Variants in DPYD observed in about 807,000 individuals in gnomAD.
DPYD encodes the protein dihydropyrimidine dehydrogenase [NADP(+)].
In DPYD, 109 loss-of-function variants were observed where a neutral mutation model predicts 116.2. The ratio of observed to expected loss-of-function variants is 0.94; its 90% confidence interval spans 0.80 to 1.10. The LOEUF (loss-of-function observed/expected upper bound fraction) is 1.10, where lower values mean the gene tolerates loss of function less well. Ranked by LOEUF, DPYD falls within the 50% of genes least tolerant of loss-of-function variation. DPYD has a pLI of 0.00. For synonymous variants in DPYD, 440 were observed against 432.0 expected (o/e 1.02, Z -0.23); for missense variants, 1,302 against 1,254.5 (o/e 1.04, Z -0.57).
chr1:97,320,194 A>G (rs1037395421), intron 16 of DPYD, among the ~76,000 whole-genome samples: 3 of 134,580 alleles, frequency 2.2e-5, no homozygotes, highest in Admixed American at 7.7e-5. Context: ...GCCCTCTCTC[A>G]CCGCTCCTAT....
intron 1 of DPYD, among the ~76,000 whole-genome samples, chr1:97,912,130 A>G (rs1349714345): frequency 6.6e-6 from 1 of 152,126 alleles, no homozygotes; most frequent in African/African-American, 2.4e-5. Context: ...TTTGCACCCC[A>G]AAATGGTCCC....
At chr1:97,808,647 G>A (rs988211877) in intron 3 of DPYD, among the ~76,000 whole-genome samples, 1 of 152,008 alleles carries the variant, frequency 6.6e-6, no homozygotes, top group African/African-American at 2.4e-5. Flanking sequence ...AGCTAGTGCT[G>A]CCAGTATGAT....
intron 14 of DPYD, among the ~76,000 whole-genome samples, chr1:97,400,818 G>A (rs1243050928): frequency 6.6e-6 from 1 of 152,068 alleles, no homozygotes; most frequent in Non-Finnish European, 1.5e-5. Context: ...TTTGTATTGT[G>A]TCTATTTGAT....
chr1:97,755,261 A>G (rs1253007528), intron 3 of DPYD, among the ~76,000 whole-genome samples: 2 of 152,118 alleles, frequency 1.3e-5, no homozygotes, highest in African/African-American at 4.8e-5. Context: ...CTTTAGCCCA[A>G]TATGTCCTAT....
At chr1:97,645,099 T>G (rs1658178993) in intron 8 of DPYD, among the ~76,000 whole-genome samples, 1 of 152,184 alleles carries the variant, frequency 6.6e-6, no homozygotes, top group Non-Finnish European at 1.5e-5. Flanking sequence ...CGCTGTAACT[T>G]ATTTATCAGT....
At chr1:97,717,156 T>C (rs766461666) in intron 5 of DPYD, among the ~76,000 whole-genome samples, 1 of 152,060 alleles carries the variant, frequency 6.6e-6, no homozygotes. Context: ...TACTGTTCAG[T>C]AGCACAATAG....
intron 8 of DPYD, among the ~76,000 whole-genome samples, chr1:97,626,365 C>A (rs1656928064): frequency 2.0e-5 from 3 of 151,838 alleles, no homozygotes; most frequent in African/African-American, 7.3e-5. Flanking sequence ...TCAACTATTT[C>A]TTTTTTAGAA....
chr1:97,412,886 C>T (rs888716958), intron 14 of DPYD, among the ~76,000 whole-genome samples: 12 of 152,108 alleles, frequency 7.9e-5, no homozygotes, highest in Non-Finnish European at 1.5e-4. Context: ...AGGTGTCCTT[C>T]CCCCACACCA....
chr1:97,802,355 G>A (rs534876365), intron 3 of DPYD, among the ~76,000 whole-genome samples: 20 of 151,978 alleles, frequency 1.3e-4, no homozygotes, highest in Admixed American at 8.6e-4. Context: ...AAAAGTTCCT[G>A]TCTGAACTCA....
chr1:97,621,105 T>C (rs953754015), intron 8 of DPYD, among the ~76,000 whole-genome samples: 3 of 152,166 alleles, frequency 2.0e-5, no homozygotes, highest in African/African-American at 7.2e-5. Context: ...GTATATTAAC[T>C]ATTTTGGAGA....
chr1:97,849,773 T>A (rs1670484601), intron 2 of DPYD, among the ~76,000 whole-genome samples: 1 of 152,224 alleles, frequency 6.6e-6, no homozygotes, highest in African/African-American at 2.4e-5. Context: ...TCTATCTTTA[T>A]TTCTACAAAT....
intron 8 of DPYD, among the ~76,000 whole-genome samples, chr1:97,637,138 T>TA (rs1657614532): frequency 6.6e-6 from 1 of 152,164 alleles, no homozygotes; most frequent in African/African-American, 2.4e-5. Flanking sequence ...GGAAGAAGAC[T>TA]AAGAGTACAG....
chr1:97,593,152 T>C, intron 10 of DPYD, 66 bp downstream of exon 10: 1 of 1,548,990 alleles, frequency 6.5e-7, no homozygotes, highest in Non-Finnish European at 8.9e-7. Context: ...GATTTAAACA[T>C]TAACAGTTTC....
intron 19 of DPYD, among the ~76,000 whole-genome samples, chr1:97,201,790 G>T (rs570521508): frequency 1.4e-4 from 22 of 152,200 alleles, no homozygotes; most frequent in Admixed American, 1.2e-3. Flanking sequence ...TTTCTAAGTA[G>T]TTTCCTGGCA....
chr1:97,086,602 T>C (rs936748951), intron 21 of DPYD, among the ~76,000 whole-genome samples: 1 of 152,202 alleles, frequency 6.6e-6, no homozygotes, highest in Non-Finnish European at 1.5e-5. Flanking sequence ...GCATGTATCA[T>C]ATCAGTTTCT....
intron 21 of DPYD, among the ~76,000 whole-genome samples, chr1:97,086,887 C>A (rs1649559885): frequency 6.6e-6 from 1 of 152,250 alleles, no homozygotes; most frequent in East Asian, 1.9e-4. Context: ...GACTTCTAAC[C>A]CAAAAACATT....
chr1:97,846,568 T>C (rs772842046), intron 2 of DPYD, among the ~76,000 whole-genome samples: 1 of 152,204 alleles, frequency 6.6e-6, no homozygotes, highest in African/African-American at 2.4e-5. Flanking sequence ...GCAGAACACC[T>C]AGTTGGTGTC....
chr1:97,564,886 G>C (rs529395272), intron 11 of DPYD, among the ~76,000 whole-genome samples: 1 of 152,056 alleles, frequency 6.6e-6, no homozygotes. Flanking sequence ...TGACACTGTA[G>C]TTCCACACTC....
chr1:97,739,030 T>G (rs1664114149), intron 4 of DPYD, among the ~76,000 whole-genome samples: 1 of 152,088 alleles, frequency 6.6e-6, no homozygotes. Flanking sequence ...AGATAGTCCG[T>G]CATAATTCTC....
Sources: allele counts gnomAD v4.1 joint callset (sites outside exome capture counted in the v4.1 genomes callset), GRCh38; gene constraint gnomAD v4.1.1; transcripts MANE v1.5; gene names NCBI Gene and HGNC (gene_info 2026-07-23, HGNC 2026-07-21).